The following SMIM27 variants were observed in gnomAD, a reference collection of about 807,000 sequenced individuals.
The protein encoded by SMIM27 is transition zone microprotein 1.
A neutral mutation model predicts 1.8 loss-of-function variants in SMIM27; 3 were observed. The observed-to-expected ratio is 1.65, with a 90% CI of 0.75 to 4.28. The LOEUF (loss-of-function observed/expected upper bound fraction) is 4.28, where lower values mean the gene tolerates loss of function less well. Ranked by LOEUF, SMIM27 falls within the 30% of genes most tolerant of loss-of-function variation. The probability of loss-of-function intolerance (pLI) is 0.02; values close to 1 mark genes in which losing one functional copy is unlikely to be tolerated. For synonymous variants in SMIM27, 19 were observed against 13.9 expected (o/e 1.37, Z -0.82); for missense variants, 63 against 37.0 (o/e 1.70, Z -1.83).
intron 1 of SMIM27, among the ~76,000 whole-genome samples, chr9:32,560,213 G>T (rs1587641142): frequency 6.6e-6 from 1 of 152,300 alleles, no homozygotes; most frequent in Non-Finnish European, 1.5e-5. Context: ...GAAAAAGTAA[G>T]GTAAGTGAGT....
In SMIM27 at chr9:32,552,495, C is replaced by T. The variant is rs963236790; in HGVS notation, c.45+16C>T. On this transcript the variant is annotated intron_variant, in intron 1 of 1. Coordinates refer to ENST00000692500, the MANE Select transcript of SMIM27 (RefSeq NM_001387564.1). ...TTATTCAGTGGTAAGTCCCGGGGAT[C>T]GCGGGCCCCCACCGTGTCGACTCAC... is the stretch of plus-strand genomic sequence containing the variant. 6.3e-7 allele frequency: 1 copy of T among 1,577,066 alleles called. No homozygotes were observed. Among genetic ancestry groups the T allele is most frequent in the South Asian group, 1.1e-5 (1 of 87,046 alleles).
intron 1 of SMIM27, among the ~76,000 whole-genome samples, chr9:32,560,539 G>A (rs1162852776): frequency 6.6e-6 from 1 of 152,210 alleles, no homozygotes; most frequent in Admixed American, 6.5e-5. Flanking sequence ...TAATGTGTAA[G>A]ATAATCTGGC....
At chr9:32,554,846 G>A (rs1821410887), downstream of SMIM27, among the ~76,000 whole-genome samples, 1 of 152,032 alleles carries the variant, frequency 6.6e-6, no homozygotes, top group Admixed American at 6.5e-5. Context: ...AAAAGGCAGT[G>A]GCAAACTATT....
downstream of SMIM27, among the ~76,000 whole-genome samples, chr9:32,556,846 CTTTTTTTTTTT>C (rs10703297): frequency 1.5e-4 from 12 of 82,386 alleles, no homozygotes; most frequent in South Asian, 3.0e-3. Flanking sequence ...AAATCCCCTA[CTTTTTTTTTTT>C]TTTTTTTTTT....
chr9:32,563,939 A>G (rs1015818593), intron 1 of SMIM27, among the ~76,000 whole-genome samples: 3 of 152,202 alleles, frequency 2.0e-5, no homozygotes, highest in Non-Finnish European at 4.4e-5. Context: ...TTCTGGCACA[A>G]TAATATGTTC....
chr9:32,566,739 C>A, exon 2 of SMIM27: 1 of 922,392 alleles, frequency 1.1e-6, no homozygotes, highest in Non-Finnish European at 1.8e-6. Flanking sequence ...GCCTTCAAAC[C>A]ACAGCGGGTC....
chr9:32,562,257 T>C (rs1821647253), intron 1 of SMIM27, among the ~76,000 whole-genome samples: 1 of 152,250 alleles, frequency 6.6e-6, no homozygotes, highest in Admixed American at 6.5e-5. Flanking sequence ...GAATTTGGTC[T>C]TGTATATTCT....
chr9:32,566,165 C>CA (rs1165293884), intron 1 of SMIM27: 3 of 705,208 alleles, frequency 4.3e-6, no homozygotes, highest in Admixed American at 4.2e-5. Flanking sequence ...CGCTTTCACA[C>CA]AGGCCACTTC....
upstream of SMIM27, chr9:32,551,607 A>G (rs1217760636): frequency 3.9e-6 from 1 of 254,460 alleles, no homozygotes; most frequent in African/African-American, 2.2e-5. Context: ...AGGTATAAAG[A>G]ACGTCTAGAG....
intron 1 of SMIM27, chr9:32,566,138 T>G (rs1554674286): frequency 1.6e-6 from 1 of 632,052 alleles, no homozygotes; most frequent in Non-Finnish European, 2.9e-6. Context: ...GAGAATATGG[T>G]GTGTATATGT....
upstream of SMIM27, chr9:32,551,726 G>A: frequency 2.4e-6 from 1 of 420,220 alleles, no homozygotes; most frequent in South Asian, 1.6e-5. Context: ...CGTGCTCGGG[G>A]CTTAGTATCT....
intron 1 of SMIM27, chr9:32,559,048 CAA>C: frequency 1.3e-6 from 1 of 763,460 alleles, no homozygotes; most frequent in Non-Finnish European, 2.2e-6. Context: ...ACTTAAGCTC[CAA>C]ACTTTCACAG....
Position 32,552,429 on chromosome 9 carries a change from C to T in SMIM27, c.-6C>T. The T allele has an allele frequency of 6.2e-7, 1 of 1,609,666 alleles. No individual in the cohort carries two copies. Among genetic ancestry groups the T allele is most frequent in the Non-Finnish European group, 8.5e-7 (1 of 1,178,386 alleles). On this transcript the variant is annotated 5_prime_UTR_variant, in exon 1 of 2. Coordinates refer to ENST00000692500, the MANE Select transcript of SMIM27 (RefSeq NM_001387564.1). ...AGCTCCCGCGGACTGCTGCCGCCTC[C>T]TTACCATGAAGCCAGTAAGTCGTCG...
downstream of SMIM27, chr9:32,553,046 T>C: frequency 1.9e-6 from 1 of 538,492 alleles, no homozygotes; most frequent in Non-Finnish European, 3.3e-6. Context: ...TAACAAGCAC[T>C]AGTATGCAAA....
chr9:32,557,163 T>C (rs1428682626), downstream of SMIM27, among the ~76,000 whole-genome samples: 1 of 19,792 alleles, frequency 5.1e-5, no homozygotes, highest in African/African-American at 1.5e-4. Context: ...TGGCCCCCAC[T>C]TTTTTTTTTT....
At position 32,561,747 on chromosome 9, in the gene SMIM27, A is replaced by G. The variant is rs147666901; in HGVS notation, c.46-4644A>G. Among the ~76,000 whole-genome samples the G allele has an allele frequency of 4.3e-3, 658 of 152,192 alleles. 6 individuals are homozygous for G. The highest frequency in any genetic ancestry group is 0.015 in the African/African-American group (611 of 41,518). ...ACTGTGAACTTTGGTTTTATCCCCA[A>G]CTTAATCAACCACCAACTTCAGGTG... is the stretch of plus-strand genomic sequence containing the variant. On this transcript the variant is annotated intron_variant, in intron 1 of 1. Transcript: ENST00000451672.
chr9:32,563,463 A>G (rs915116843), intron 1 of SMIM27, among the ~76,000 whole-genome samples: 7 of 139,906 alleles, frequency 5.0e-5, no homozygotes, highest in African/African-American at 1.9e-4. Context: ...CTCCTGCTTC[A>G]GCCTCCTGAA....
At chr9:32,553,110 A>G (rs572308559), downstream of SMIM27, 1 of 490,506 alleles carries the variant, frequency 2.0e-6, no homozygotes, top group Admixed American at 3.8e-5. Context: ...ATTAACAGCA[A>G]CCTAAATCTG....
downstream of SMIM27, among the ~76,000 whole-genome samples, chr9:32,557,199 CTG>C (rs145889809): frequency 0.04 from 5,713 of 143,684 alleles, 424 homozygotes; most frequent in African/African-American, 0.14. Flanking sequence ...GAGTCTCACT[CTG>C]TGACCCAGGC....
Sources: allele counts gnomAD v4.1 joint callset (sites outside exome capture counted in the v4.1 genomes callset), GRCh38; gene constraint gnomAD v4.1.1; transcripts MANE v1.5; gene names NCBI Gene and HGNC (gene_info 2026-07-23, HGNC 2026-07-21).